Variants in EGLN1 observed in about 807,000 individuals in gnomAD.
The protein encoded by EGLN1 is egl nine homolog 1.
In EGLN1, 17 loss-of-function variants were observed where a neutral mutation model predicts 38.3. The ratio of observed to expected loss-of-function variants is 0.44; its 90% CI spans 0.30 to 0.67. EGLN1 has a LOEUF of 0.67. EGLN1 is among the 30% of genes least tolerant of loss of function. The pLI is 0.08. For synonymous variants in EGLN1, 283 were observed against 257.5 expected, an observed-to-expected ratio of 1.10 and a Z score of -0.95; for missense variants, 477 against 603.3, an observed-to-expected ratio of 0.79 and a Z score of 2.19.
At chr1:231,369,692 T>G (rs987266798) in intron 3 of EGLN1, 1 of 668,196 alleles carries the variant, frequency 1.5e-6, no homozygotes, top group Non-Finnish European at 1.8e-6. Flanking sequence ...CCATCATTAC[T>G]AAAGCCAACT....
chr1:231,391,092 T>TTTTTTTTTTTTGTG (rs1553353098), intron 1 of EGLN1, among the ~76,000 whole-genome samples: 1 of 67,368 alleles, frequency 1.5e-5, no homozygotes, highest in African/African-American at 4.8e-5. Context: ...TGTTTTTTTT[T>TTTTTTTTTTTTGTG]TGTGTGTGTG....
At chr1:231,410,846 G>T (rs993536348) in intron 1 of EGLN1, among the ~76,000 whole-genome samples, 5 of 115,520 alleles carry the variant, frequency 4.3e-5, no homozygotes, top group Non-Finnish European at 8.3e-5. Context: ...AAAATATCTG[G>T]TCTAAGGGGT....
In EGLN1 at chr1:231,391,083, G is replaced by GT. The variant is rs111257907; in HGVS notation, c.892-16985dup. Reference sequence around the variant, plus strand: ...GTGTGTGAGACAGGGAACTCATTCTGTTTTTTTTTTGTGTGTGTGTGTGTG... The same window carrying GT: ...GTGTGTGAGACAGGGAACTCATTCTGTTTTTTTTTTTGTGTGTGTGTGTGTG... On this transcript the variant is annotated intron_variant, in intron 1 of 4. Transcript: ENST00000366641. Among the ~76,000 whole-genome samples, 149 of 49,832 alleles carry GT rather than the reference G, an allele frequency of 3.0e-3. 17 individuals are homozygous for GT. Among genetic ancestry groups the GT allele is most frequent in the African/African-American group, 5.6e-3 (107 of 19,038 alleles). The allele number at this position is 49,832 out of a possible 152,430, so 32.7% of individuals were successfully genotyped here.
intron 1 of EGLN1, among the ~76,000 whole-genome samples, chr1:231,404,622 A>AT (rs1021433329): frequency 1.3e-5 from 2 of 151,614 alleles, no homozygotes; most frequent in Middle Eastern, 3.2e-3. Flanking sequence ...TAAAAAAAAA[A>AT]TTTTTTTTTA....
intron 1 of EGLN1, among the ~76,000 whole-genome samples, chr1:231,399,560 G>C (rs1267073667): frequency 1.3e-5 from 2 of 152,220 alleles, no homozygotes; most frequent in African/African-American, 4.8e-5. Context: ...TAAGCCAACA[G>C]AGGAGAATAA....
At chr1:231,385,947 C>T (rs1688194241) in intron 1 of EGLN1, among the ~76,000 whole-genome samples, 2 of 152,080 alleles carry the variant, frequency 1.3e-5, no homozygotes, top group South Asian at 4.1e-4. Context: ...GCCTCCTGGG[C>T]TCCTGCCTCA....
At chr1:231,382,251 A>C (rs1688095273) in intron 1 of EGLN1, among the ~76,000 whole-genome samples, 2 of 152,226 alleles carry the variant, frequency 1.3e-5, no homozygotes, top group South Asian at 4.1e-4. Context: ...TACGATTTAA[A>C]TTCCTTAAGT....
At chr1:231,388,559 C>T (rs1403002909) in intron 1 of EGLN1, among the ~76,000 whole-genome samples, 1 of 151,194 alleles carries the variant, frequency 6.6e-6, no homozygotes, top group African/African-American at 2.4e-5. Flanking sequence ...GCAACCTCTA[C>T]CTCCCTGGTT....
intron 1 of EGLN1, among the ~76,000 whole-genome samples, chr1:231,396,064 C>A (rs1211130903): frequency 6.7e-6 from 1 of 149,280 alleles, no homozygotes; most frequent in Non-Finnish European, 1.5e-5. Context: ...CAATAAATGT[C>A]TTTTAGTTCC....
chr1:231,385,002 G>A (rs983252429), intron 1 of EGLN1, among the ~76,000 whole-genome samples: 1 of 152,156 alleles, frequency 6.6e-6, no homozygotes, highest in Non-Finnish European at 1.5e-5. Context: ...TAGTTAGAAG[G>A]CTACCGCATA....
chr1:231,402,348 T>C (rs758453699), intron 1 of EGLN1, among the ~76,000 whole-genome samples: 14 of 152,132 alleles, frequency 9.2e-5, no homozygotes, highest in Non-Finnish European at 1.8e-4. Flanking sequence ...GCTCATCTTT[T>C]TTATGTCCTA....
At chr1:231,390,253 G>A (rs1392034412) in intron 1 of EGLN1, among the ~76,000 whole-genome samples, 1 of 152,224 alleles carries the variant, frequency 6.6e-6, no homozygotes, top group Non-Finnish European at 1.5e-5. Flanking sequence ...CAAGCCTTCA[G>A]CGCTGTTTCC....
chr1:231,406,346 T>C (rs1348723260), intron 1 of EGLN1, among the ~76,000 whole-genome samples: 1 of 152,038 alleles, frequency 6.6e-6, no homozygotes, highest in Non-Finnish European at 1.5e-5. Flanking sequence ...TCTCAGTCTT[T>C]TATGGTACAA....
chr1:231,368,244 C>T (rs1228102636), intron 3 of EGLN1, among the ~76,000 whole-genome samples: 3 of 152,016 alleles, frequency 2.0e-5, no homozygotes, highest in Admixed American at 2.0e-4. Flanking sequence ...AGAAAAAGCA[C>T]ATTATCAATA....
At chr1:231,398,099 T>G (rs1411587163) in intron 1 of EGLN1, among the ~76,000 whole-genome samples, 2 of 152,356 alleles carry the variant, frequency 1.3e-5, no homozygotes, top group East Asian at 3.9e-4. Context: ...ATTGCATAAT[T>G]TGTACTTCTC....
intron 1 of EGLN1, among the ~76,000 whole-genome samples, chr1:231,380,832 T>C (rs185976115): frequency 1.3e-5 from 2 of 152,210 alleles, no homozygotes; most frequent in Admixed American, 1.3e-4. Context: ...AGTCAGCATT[T>C]TTCATATTTT....
chr1:231,414,986 G>C (rs1689039951), intron 1 of EGLN1, among the ~76,000 whole-genome samples: 1 of 151,912 alleles, frequency 6.6e-6, no homozygotes. Context: ...CGCCCACCCT[G>C]GCCTCCCAAA....
intron 1 of EGLN1, among the ~76,000 whole-genome samples, chr1:231,389,908 A>G (rs1688323939): frequency 6.6e-6 from 1 of 152,150 alleles, no homozygotes. Flanking sequence ...AGATAGCGCC[A>G]CTGTACTCCA....
rs1188957561 is a variant in EGLN1, at chr1:231,391,086, TTTTTTTTGTG to T, written c.892-16997_892-16988del. ...TGTGAGACAGGGAACTCATTCTGTT[TTTTTTTTGTG>T]TGTGTGTGTGTGTGTGTGTGTGTGT... On this transcript the variant is annotated intron_variant, in intron 1 of 4. Coordinates refer to ENST00000366641, the MANE Select transcript of EGLN1 (RefSeq NM_022051.3). Among the ~76,000 whole-genome samples the T allele has an allele frequency of 4.9e-3, 167 of 34,430 alleles. 5 individuals carry two copies. The highest frequency in any genetic ancestry group is 0.012 in the African/African-American group (163 of 13,762). The allele number at this position is 34,430 out of a possible 152,430, so 22.6% of individuals were successfully genotyped here. A position where few individuals can be genotyped will look rare whatever the true frequency, so the allele number is the denominator to read the frequency against.
Sources: gnomAD v4.1 joint callset for allele counts (sites outside exome capture counted in the v4.1 genomes callset) on GRCh38, gnomAD v4.1.1 for gene constraint, MANE v1.5 for transcripts, NCBI Gene and HGNC (gene_info 2026-07-23, HGNC 2026-07-21) for gene names.